The following LCT variants were observed in gnomAD, a reference collection of about 807,000 sequenced individuals.
LCT encodes lactase/phlorizin hydrolase.
In LCT, 90 loss-of-function variants were observed where a neutral mutation model predicts 173.0. That is an observed-to-expected ratio of 0.52 (90% CI 0.44 to 0.62). LCT has a LOEUF of 0.62. LCT is among the 20% of genes least tolerant of loss of function. LCT has a pLI of 0.00. For synonymous variants in LCT, 853 were observed against 957.6 expected (o/e 0.89, Z 2.02); for missense variants, 1,864 against 2,431.4 (o/e 0.77, Z 4.91).
intron 9 of LCT, among the ~76,000 whole-genome samples, chr2:135,806,543 T>C (rs1224347575): frequency 6.6e-6 from 1 of 152,144 alleles, no homozygotes; most frequent in Non-Finnish European, 1.5e-5. Flanking sequence ...GCAGGCTCCA[T>C]TCATGGTGAG....
At position 135,809,675 on chromosome 2, in the gene LCT, G is replaced by A. The variant is rs1418388537; in HGVS notation, c.2672C>T (p.Pro891Leu). 1.9e-5 allele frequency: 31 copies of A among 1,614,112 alleles called. No homozygotes were observed. Among genetic ancestry groups the A allele is most frequent in the African/African-American group, 2.7e-5 (2 of 74,924 alleles). ...GTAGAACAAATCTCTTTCGAACTTG[G>A]GTTGGCTGGAGAACTTTTCCCAAAC... The part of the protein sequence containing the change: ...KVVWEKFSSQ[P>L]KFERDLFYHG... The change falls in exon 8 of 17, where the codon CCC (proline) becomes CTC (leucine). Residue 891 changes from proline (P) to leucine (L), a missense_variant. Coordinates refer to ENST00000264162, the MANE Select transcript of LCT (RefSeq NM_002299.4). This position sits in a 1 kb window ranked among gnomAD's most constrained non-coding sequence, Gnocchi z 5.5.
chr2:135,811,044 AAAGAAAAGAAAATTAGCCTGG>A (rs1378902106), intron 7 of LCT, among the ~76,000 whole-genome samples: 1 of 151,826 alleles, frequency 6.6e-6, no homozygotes, highest in Non-Finnish European at 1.5e-5. Context: ...AAAAAAGAAA[AAAGAAAAGAAAATTAGCCTGG>A]TGTGGTGGTG....
chr2:135,790,754 C>T lies in LCT; in HGVS notation c.5239G>A (p.Val1747Ile). The part of the protein sequence containing the change: ...KEEYNDPPIY[V>I]TENGVSQREE... ...CGCTGGGACACTCCATTCTCTGTGA[C>T]ATAAATTGGAGGGTCATTGTATTCC... Residue 1747 changes from valine (V) to isoleucine (I), a missense_variant, in exon 15 of 17, where the codon GTC becomes ATC. Physicochemically the swap from Val to Ile is conservative, Grantham distance 29. This residue lies in a region of LCT where 514 missense variants were observed against 750.1 expected (regional missense o/e 0.69). Coordinates refer to ENST00000264162, the MANE Select transcript of LCT (RefSeq NM_002299.4). The surrounding 1 kb of genome is among the most constrained non-coding windows in gnomAD (Gnocchi z 4.1). 2 of 1,613,870 alleles carry T rather than the reference C, an allele frequency of 1.2e-6. No homozygotes were observed. Among genetic ancestry groups the T allele is most frequent in the Non-Finnish European group, 1.7e-6 (2 of 1,179,926 alleles).
rs1483733294 is a variant in LCT at position 135,788,296 on chromosome 2, G to A, written c.*28C>T. 1.3e-6 allele frequency: 2 copies of A among 1,524,782 alleles called. No individual in the cohort carries two copies. Among genetic ancestry groups the A allele is most frequent in the Non-Finnish European group, 1.8e-6 (2 of 1,102,356 alleles). 94.5% of individuals were successfully genotyped at this position (1,524,782 alleles called of 1,614,324 possible). On this transcript the variant is annotated 3_prime_UTR_variant, in exon 17 of 17. Coordinates refer to ENST00000264162, the MANE Select transcript of LCT (RefSeq NM_002299.4). The stretch of plus-strand genomic sequence containing the variant: ...AAACATAGATGAAGAAACTAGGCCT[G>A]CTTCATAGAACTTGAGGTGGTAACT...
intron 13 of LCT, among the ~76,000 whole-genome samples, chr2:135,797,732 T>C (rs1321628523): frequency 2.6e-5 from 4 of 152,046 alleles, no homozygotes; most frequent in African/African-American, 9.7e-5. Flanking sequence ...CATTCACACG[T>C]GCGGTGATGA....
In LCT at chr2:135,803,922, G is replaced by C. The variant is rs991736726; in HGVS notation, c.4663+8C>G. 2.5e-6 allele frequency: 4 copies of C among 1,611,598 alleles called. No homozygotes were observed. The African/African-American group carries it at 5.3e-5, about 21-fold the overall frequency. On this transcript the variant is annotated splice_region_variant and intron_variant, in intron 11 of 16. Coordinates refer to ENST00000264162, the MANE Select transcript of LCT (RefSeq NM_002299.4). ...TCAAAGAGCCTATGAGCCAGGGCTG[G>C]GACTTACCTGGAGCTGCTGTTCCGT...
rs536420634 is a variant in LCT, at chr2:135,816,903, C to T, written c.1707+438G>A. Among the ~76,000 whole-genome samples, 5 of 150,428 alleles carry T rather than the reference C, an allele frequency of 3.3e-5. No individual in the cohort carries two copies. The South Asian group carries it at 1.0e-3, about 32-fold the overall frequency. On this transcript the variant is annotated intron_variant, in intron 6 of 16. Coordinates refer to ENST00000264162, the MANE Select transcript of LCT (RefSeq NM_002299.4). ...TTTTTTTTTGAGACAGGGTCTTGCT[C>T]TGTTGACCAGGCTGGAGTGCAGTGG... is the stretch of plus-strand genomic sequence containing the variant.
In LCT at chr2:135,790,623, A is replaced by G. The variant is rs1241842523; in HGVS notation, c.5335+35T>C. 7.4e-7 allele frequency: 1 copy of G among 1,343,580 alleles called. No homozygotes were observed. The highest frequency in any genetic ancestry group is 1.1e-6 in the Non-Finnish European group (1 of 935,034). 83.2% of individuals were successfully genotyped at this position (1,343,580 alleles called of 1,614,324 possible). The stretch of plus-strand genomic sequence containing the variant: ...AAATAGCAGATGTTTCCAACAGGGG[A>G]AGGTGCACGCTGGGGAAGGGCGGGC... On this transcript the variant is annotated intron_variant, in intron 15 of 16. Transcript: ENST00000264162. This position sits in a 1 kb window ranked among gnomAD's most constrained non-coding sequence, Gnocchi z 4.1.
intron 4 of LCT, among the ~76,000 whole-genome samples, chr2:135,823,592 G>A (rs1326822265): frequency 6.6e-6 from 1 of 152,184 alleles, no homozygotes; most frequent in Non-Finnish European, 1.5e-5. Flanking sequence ...GACCTTGGAG[G>A]GAGAGGTAAT....
intron 6 of LCT, among the ~76,000 whole-genome samples, chr2:135,815,778 C>T (rs1430860911): frequency 6.6e-6 from 1 of 152,134 alleles, no homozygotes. Flanking sequence ...CGGCTCACTA[C>T]AACCTCCGCC....
intron 13 of LCT, among the ~76,000 whole-genome samples, 160 bp from the exon 14 acceptor site, chr2:135,794,935 A>C (rs2077568517): frequency 0.05 from 1 of 20 alleles, no homozygotes; most frequent in Non-Finnish European, 0.12. Flanking sequence ...CAGGCGGTGC[A>C]GGAAGCACTG....
In LCT at chr2:135,790,316, C is replaced by G. The variant is rs1217388844; in HGVS notation, c.5335+342G>C. On this transcript the variant is annotated intron_variant, in intron 15 of 16. Coordinates refer to ENST00000264162, the MANE Select transcript of LCT (RefSeq NM_002299.4). The surrounding 1 kb of genome is among the most constrained non-coding windows in gnomAD (Gnocchi z 4.1). ...AACTTTTGCTCGGAGACTAAGAGAC[C>G]CTACAGGCAACCACACAGCCTACTC... is the stretch of plus-strand genomic sequence containing the variant. Among the ~76,000 whole-genome samples the G allele has an allele frequency of 6.6e-6, 1 of 152,094 alleles. No homozygotes were observed. Among genetic ancestry groups the G allele is most frequent in the Non-Finnish European group, 1.5e-5 (1 of 68,008 alleles).
At chr2:135,794,489 G>T in intron 14 of LCT, 152 bp downstream of exon 14, 1 of 787,520 alleles carries the variant, frequency 1.3e-6, no homozygotes, top group Non-Finnish European at 2.2e-6. Flanking sequence ...AGATTTCCTT[G>T]GGATCTGTGG....
Position 135,804,958 on chromosome 2 carries a change from C to A in LCT, c.4273G>T (p.Ala1425Ser). ...RVENDAIGDV[A>S]CDSYHKIAED... ...GCAATCTTGTGATAACTGTCACAGG[C>A]CACGTCTCCAATGGCATCGTTCTCA... Residue 1425 changes from alanine (A) to serine (S), a missense_variant, in exon 10 of 17, where the codon GCC (alanine) becomes TCC (serine). Physicochemically the swap from Ala to Ser is moderately conservative, Grantham distance 99. Transcript: ENST00000264162. The A allele has an allele frequency of 6.2e-7, 1 of 1,614,208 alleles. No homozygotes were observed. Among genetic ancestry groups the A allele is most frequent in the South Asian group, 1.1e-5 (1 of 91,082 alleles).
chr2:135,808,675 G>C lies in LCT; in HGVS notation c.3672C>G (p.Pro1224=), dbSNP rs764535080. The change falls in exon 8 of 17, where the codon CCC becomes CCG. Residue 1224 remains proline (P), a synonymous_variant. Transcript: ENST00000264162. ...VQHKTPRLNP[P]SYEDDQEMAE... is the part of the protein sequence containing the mutation. ...CCATCTCCTGGTCGTCTTCGTAGGAGGGTGGGTTTAGCCTGGGTGTTTTGT... is the reference window on the plus strand; with the variant it reads ...CCATCTCCTGGTCGTCTTCGTAGGACGGTGGGTTTAGCCTGGGTGTTTTGT... The C allele has an allele frequency of 3.7e-6, 6 of 1,614,224 alleles. No individual in the cohort carries two copies. In the South Asian group the frequency reaches 5.5e-5, roughly 15 times the overall value.
chr2:135,825,433 G>T (rs1021943381), intron 3 of LCT, among the ~76,000 whole-genome samples: 1 of 152,194 alleles, frequency 6.6e-6, no homozygotes, highest in African/African-American at 2.4e-5. Context: ...CCAGGGTGGC[G>T]TGCTTAGGGA....
At chr2:135,792,124 C>T (rs1342060779) in intron 14 of LCT, among the ~76,000 whole-genome samples, 1 of 152,186 alleles carries the variant, frequency 6.6e-6, no homozygotes, top group Non-Finnish European at 1.5e-5. Flanking sequence ...CTCTGGGGAC[C>T]TGAACATCCA....
At chr2:135,803,088 G>T (rs1463180715) in intron 11 of LCT, among the ~76,000 whole-genome samples, 1 of 152,070 alleles carries the variant, frequency 6.6e-6, no homozygotes, top group Non-Finnish European at 1.5e-5. Context: ...CTCCAGCGTG[G>T]CCAACAGAGC....
chr2:135,797,742 A>C (rs2077594324), intron 13 of LCT, among the ~76,000 whole-genome samples: 3 of 152,168 alleles, frequency 2.0e-5, no homozygotes, highest in Non-Finnish European at 2.9e-5. Flanking sequence ...TGCGGTGATG[A>C]AATAGGATAG....
Sources: allele counts gnomAD v4.1 joint callset (sites outside exome capture counted in the v4.1 genomes callset), GRCh38; gene constraint gnomAD v4.1.1; regional missense constraint gnomAD v4.1.1; non-coding constraint Gnocchi (gnomAD v3.1); transcripts MANE v1.5; gene names NCBI Gene and HGNC (gene_info 2026-07-23, HGNC 2026-07-21).